Variants in CSNK1G1 observed in about 807,000 individuals in gnomAD.
The protein encoded by CSNK1G1 is casein kinase 1 gamma 1.
In CSNK1G1, 22 loss-of-function variants were observed where a neutral mutation model predicts 59.6. The ratio of observed to expected loss-of-function variants is 0.37; its 90% CI spans 0.26 to 0.53. CSNK1G1 has a LOEUF of 0.53. Ranked by LOEUF, CSNK1G1 falls within the 20% of genes least tolerant of loss-of-function variation. The pLI is 0.89. For missense variants in CSNK1G1, 384 were observed against 519.5 expected (o/e 0.74, Z 2.54); for synonymous variants, 179 against 177.1 (o/e 1.01, Z -0.08).
Position 64,335,682 on chromosome 15 carries a change from T to C in CSNK1G1, c.-225+20306A>G, listed in dbSNP as rs756421601. The stretch of plus-strand genomic sequence containing the variant: ...ATTTTTTAAAAACCCTATCACAAGC[T>C]TAGTAGTAAAGAATCATTCTAATGT... On this transcript the variant is annotated intron_variant, in intron 1 of 11. Transcript: ENST00000303052. The C allele has an allele frequency of 8.5e-5, 13 of 152,338 alleles. No individual in the cohort carries two copies. In the Middle Eastern group the frequency reaches 0.01, roughly 120 times the overall value. 9.4% of individuals were successfully genotyped at this position (152,338 alleles called of 1,614,324 possible).
chr15:64,171,656 T>C lies in CSNK1G1; in HGVS notation c.*275A>G, dbSNP rs1325530544. On this transcript the variant is annotated 3_prime_UTR_variant, in exon 12 of 12. Coordinates refer to ENST00000303052, the MANE Select transcript of CSNK1G1 (RefSeq NM_022048.5). This position sits in a 1 kb window ranked among gnomAD's most constrained non-coding sequence, Gnocchi z 4.8. ...TGAATGACACCTTCACTGTAAACAATGGGAAGGAGAGTCAACCAGGCAGCC... is the reference window on the plus strand; with the variant it reads ...TGAATGACACCTTCACTGTAAACAACGGGAAGGAGAGTCAACCAGGCAGCC... 3 of 518,332 alleles carry C rather than the reference T, an allele frequency of 5.8e-6. No individual in the cohort carries two copies. Among genetic ancestry groups the C allele is most frequent in the Non-Finnish European group, 1.0e-5 (3 of 288,608 alleles). The allele number at this position is 518,332 out of a possible 1,614,324, so 32.1% of individuals were successfully genotyped here. A position where few individuals can be genotyped will look rare whatever the true frequency, so the allele number is the denominator to read the frequency against.
At chr15:64,321,111 G>A (rs905799510) in intron 1 of CSNK1G1, among the ~76,000 whole-genome samples, 1 of 151,810 alleles carries the variant, frequency 6.6e-6, no homozygotes, top group Non-Finnish European at 1.5e-5. Flanking sequence ...ATTCATTTCT[G>A]TTTCTTATTC....
chr15:64,275,538 G>A (rs1033595237), intron 2 of CSNK1G1, among the ~76,000 whole-genome samples: 1 of 151,828 alleles, frequency 6.6e-6, no homozygotes, highest in African/African-American at 2.4e-5. Context: ...TTTTTTAAAG[G>A]GCTTACCTAT....
intron 10 of CSNK1G1, among the ~76,000 whole-genome samples, chr15:64,198,192 CTTTTTTTTTTTTT>C (rs893282431): frequency 1.9e-4 from 21 of 110,564 alleles, no homozygotes; most frequent in Admixed American, 3.8e-4. Context: ...ACAGGATATA[CTTTTTTTTTTTTT>C]TTTTTTTTTT....
chr15:64,243,966 C>T (rs1202095064), intron 4 of CSNK1G1, among the ~76,000 whole-genome samples: 1 of 151,826 alleles, frequency 6.6e-6, no homozygotes, highest in Non-Finnish European at 1.5e-5. Context: ...GTCAGGACTT[C>T]GAGAACAGCC....
chr15:64,320,962 A>G (rs1273554098), intron 1 of CSNK1G1, among the ~76,000 whole-genome samples: 3 of 151,928 alleles, frequency 2.0e-5, no homozygotes, highest in Non-Finnish European at 4.4e-5. Context: ...CACAAAGGAA[A>G]ATATCCTGTT....
rs546401258 is a variant in CSNK1G1, at chr15:64,352,614, G to A, written c.-225+3374C>T. ...GCATGCTCCATCATGCCTGACTAAT[G>A]TTGTATTTTTAGTAGAGATGGGGTT... On this transcript the variant is annotated intron_variant, in intron 1 of 11. Coordinates refer to ENST00000303052, the MANE Select transcript of CSNK1G1 (RefSeq NM_022048.5). Among the ~76,000 whole-genome samples, 6 of 150,238 alleles carry A rather than the reference G, an allele frequency of 4.0e-5. No individual in the cohort carries two copies. The South Asian group carries it at 1.3e-3, about 32-fold the overall frequency.
chr15:64,278,057 A>C (rs986252760), intron 2 of CSNK1G1, among the ~76,000 whole-genome samples: 1 of 149,016 alleles, frequency 6.7e-6, no homozygotes, highest in Admixed American at 6.8e-5. Flanking sequence ...AAATATATAT[A>C]TTTTTTGAGA....
Position 64,300,570 on chromosome 15 carries a change from A to G in CSNK1G1, c.-71T>C, listed in dbSNP as rs578152095. On this transcript the variant is annotated 5_prime_UTR_variant, in exon 2 of 12. Coordinates refer to ENST00000303052, the MANE Select transcript of CSNK1G1 (RefSeq NM_022048.5). ...TATGTATACCTCTCTTCAATACAAA[A>G]GTATGTCCAAATAAATTGTAGTCAG... The G allele has an allele frequency of 1.3e-6, 2 of 1,485,852 alleles. No individual in the cohort carries two copies. The highest frequency in any genetic ancestry group is 4.5e-5 in the Admixed American group (2 of 44,430). The allele number at this position is 1,485,852 out of a possible 1,614,324, so 92.0% of individuals were successfully genotyped here.
At chr15:64,259,454 T>C (rs1462568400) in intron 2 of CSNK1G1, among the ~76,000 whole-genome samples, 1 of 150,404 alleles carries the variant, frequency 6.6e-6, no homozygotes, top group African/African-American at 2.5e-5. Flanking sequence ...TACCTGAGAA[T>C]TTTCCTAAAA....
rs572693234 is a variant in CSNK1G1, at chr15:64,300,685, T to C, written c.-186A>G. ...CATTTATTTGTTCCCGTAGGAAATG[T>C]AGTCACTAGGTCTCAATCTTAGGTG... On this transcript the variant is annotated 5_prime_UTR_variant, in exon 2 of 12. Transcript: ENST00000303052. 2.0e-4 allele frequency: 253 copies of C among 1,277,302 alleles called. 2 individuals carry two copies. In the South Asian group the frequency reaches 6.8e-3, roughly 34 times the overall value. 79.1% of individuals were successfully genotyped at this position (1,277,302 alleles called of 1,614,324 possible).
chr15:64,325,506 C>T (rs939407696), intron 1 of CSNK1G1, among the ~76,000 whole-genome samples: 1 of 152,110 alleles, frequency 6.6e-6, no homozygotes, highest in African/African-American at 2.4e-5. Context: ...CTCATAGCCC[C>T]AGAATCACAA....
At chr15:64,325,039 G>A (rs1182917848) in intron 1 of CSNK1G1, among the ~76,000 whole-genome samples, 1 of 152,166 alleles carries the variant, frequency 6.6e-6, no homozygotes, top group Non-Finnish European at 1.5e-5. Context: ...TATTGAACAT[G>A]TAAAAAGCAT....
rs949518665 is a variant in CSNK1G1, at chr15:64,166,279, T to C, written c.*5652A>G. 2.8e-6 allele frequency: 1 copy of C among 360,332 alleles called. No individual in the cohort carries two copies. Among genetic ancestry groups the C allele is most frequent in the African/African-American group, 2.1e-5 (1 of 47,716 alleles). The allele number at this position is 360,332 out of a possible 1,614,324, so 22.3% of individuals were successfully genotyped here. A position where few individuals can be genotyped will look rare whatever the true frequency, so the allele number is the denominator to read the frequency against. ...TAATATAATAAATTAGAGCATGTAA[T>C]ACATCCTATGGGAATTGCTGAATCA... On this transcript the variant is annotated 3_prime_UTR_variant, in exon 12 of 12. Transcript: ENST00000303052. The surrounding 1 kb of genome is among the most constrained non-coding windows in gnomAD (Gnocchi z 4.5).
At chr15:64,344,725 C>A (rs908233898) in intron 1 of CSNK1G1, among the ~76,000 whole-genome samples, 20 of 152,210 alleles carry the variant, frequency 1.3e-4, no homozygotes, top group Non-Finnish European at 2.5e-4. Context: ...TAAGACTACA[C>A]TGAATTCCAG....
chr15:64,181,563 T>A, intron 10 of CSNK1G1: 3 of 871,534 alleles, frequency 3.4e-6, no homozygotes, highest in Non-Finnish European at 5.1e-6. Context: ...TGTATGAGAC[T>A]GTCTAGTATA....
At chr15:64,281,989 T>C (rs1894166911) in intron 2 of CSNK1G1, among the ~76,000 whole-genome samples, 1 of 151,612 alleles carries the variant, frequency 6.6e-6, no homozygotes, top group African/African-American at 2.4e-5. Context: ...TGGCGCAATC[T>C]AGGCTCAGCG....
intron 2 of CSNK1G1, among the ~76,000 whole-genome samples, chr15:64,278,364 A>T (rs1183951531): frequency 6.8e-6 from 1 of 147,648 alleles, no homozygotes; most frequent in Non-Finnish European, 1.5e-5. Context: ...AAAAGTATAT[A>T]TGCATGTATG....
rs371128869 is a variant in CSNK1G1 at position 64,205,222 on chromosome 15, A to G, written c.766-273T>C. On this transcript the variant is annotated intron_variant, in intron 7 of 11. Transcript: ENST00000303052. The stretch of plus-strand genomic sequence containing the variant: ...ATAATGGATGAGTGGCTAGGATAAG[A>G]AAATAACAATATTATGTGGCCAATA... 4.0e-5 allele frequency among the ~76,000 whole-genome samples: 6 copies of G among 151,150 alleles called. No individual in the cohort carries two copies. In the South Asian group the frequency reaches 1.0e-3, roughly 26 times the overall value.
Sources: gnomAD v4.1 joint callset for allele counts (sites outside exome capture counted in the v4.1 genomes callset) on GRCh38, gnomAD v4.1.1 for gene constraint, Gnocchi (gnomAD v3.1) non-coding constraint, MANE v1.5 for transcripts, NCBI Gene and HGNC (gene_info 2026-07-23, HGNC 2026-07-21) for gene names.